The following MATCAP2 variants were observed in gnomAD, a reference collection of about 807,000 sequenced individuals.
MATCAP2 encodes the protein putative tyrosine carboxypeptidase MATCAP2.
At chr7:36,327,830 C>CA in the MATCAP2 span, among the ~76,000 whole-genome samples, 1 of 152,148 alleles carries the variant, frequency 6.6e-6, no homozygotes, top group Admixed American at 6.5e-5. Context: ...AAATCCAAAA[C>CA]ACTTCTAGTC....
At chr7:36,336,410 AAACTGC>A in the MATCAP2 span, 1 of 884,660 alleles carries the variant, frequency 1.1e-6, no homozygotes, top group Admixed American at 3.1e-5. Flanking sequence ...TTTCCAAATT[AAACTGC>A]AACTGAAGTG....
the MATCAP2 span, chr7:36,336,160 T>G: frequency 6.5e-7 from 1 of 1,535,380 alleles, no homozygotes; most frequent in Non-Finnish European, 8.7e-7. Context: ...ATACCTCCCC[T>G]AGGCAGCCTT....
At chr7:36,328,773 C>T in the MATCAP2 span, among the ~76,000 whole-genome samples, 1 of 151,276 alleles carries the variant, frequency 6.6e-6, no homozygotes, top group Non-Finnish European at 1.5e-5. Context: ...TAGCCGGGAG[C>T]GGTGGCTCAC....
At chr7:36,353,832 TTTTTCTTTA>T in the MATCAP2 span, among the ~76,000 whole-genome samples, 1 of 152,184 alleles carries the variant, frequency 6.6e-6, no homozygotes, top group Non-Finnish European at 1.5e-5. Flanking sequence ...GCAATTTACA[TTTTTCTTTA>T]TTAGAATAAA....
At chr7:36,380,799 G>A in the MATCAP2 span, among the ~76,000 whole-genome samples, 6 of 152,126 alleles carry the variant, frequency 3.9e-5, no homozygotes, top group African/African-American at 1.2e-4. Context: ...GCACGGTCTC[G>A]GCTCACTGCA....
At chr7:36,377,938 G>T in the MATCAP2 span, among the ~76,000 whole-genome samples, 27 of 152,118 alleles carry the variant, frequency 1.8e-4, no homozygotes, top group Non-Finnish European at 3.8e-4. Flanking sequence ...TCATGCCATG[G>T]TTTTGAGCTC....
chr7:36,367,185 A>G, the MATCAP2 span: 4 of 1,192,300 alleles, frequency 3.4e-6, no homozygotes, highest in Non-Finnish European at 4.2e-6. Flanking sequence ...TACGGTGCCC[A>G]GCAGCGCTTA....
At chr7:36,353,230 G>A in the MATCAP2 span, among the ~76,000 whole-genome samples, 2,301 of 152,182 alleles carry the variant, frequency 0.015, 28 homozygotes, top group Non-Finnish European at 0.022. Flanking sequence ...AGTGAGCTAT[G>A]ATCACACCCC....
At chr7:36,376,517 C>T in the MATCAP2 span, among the ~76,000 whole-genome samples, 109 of 152,202 alleles carry the variant, frequency 7.2e-4, no homozygotes, top group Admixed American at 1.9e-3. Context: ...CCAACTGTGT[C>T]GTCAATTTTG....
the MATCAP2 span, among the ~76,000 whole-genome samples, chr7:36,380,807 G>A: frequency 6.6e-6 from 1 of 152,198 alleles, no homozygotes; most frequent in African/African-American, 2.4e-5. Context: ...TCGGCTCACT[G>A]CAACCTCCAC....
At chr7:36,364,044 C>CT in the MATCAP2 span, among the ~76,000 whole-genome samples, 2,212 of 140,610 alleles carry the variant, frequency 0.016, 25 homozygotes, top group African/African-American at 0.023. Context: ...ATAATAAACC[C>CT]TTTTTTTTTT....
the MATCAP2 span, among the ~76,000 whole-genome samples, chr7:36,385,304 T>C: frequency 2.0e-5 from 3 of 152,252 alleles, no homozygotes; most frequent in African/African-American, 7.2e-5. Context: ...TTTCTTTTCT[T>C]TTCTTTTTGG....
the MATCAP2 span, among the ~76,000 whole-genome samples, chr7:36,338,645 T>A: frequency 6.6e-6 from 1 of 151,988 alleles, no homozygotes; most frequent in African/African-American, 2.4e-5. Flanking sequence ...AGACAAGGTC[T>A]CACTATGTTG....
chr7:36,361,801 G>T, the MATCAP2 span, among the ~76,000 whole-genome samples: 1 of 152,120 alleles, frequency 6.6e-6, no homozygotes, highest in Admixed American at 6.5e-5. Context: ...ATTGTGGTAC[G>T]CTCATATAAC....
chr7:36,351,321 G>A, the MATCAP2 span, among the ~76,000 whole-genome samples: 1 of 152,072 alleles, frequency 6.6e-6, no homozygotes, highest in Non-Finnish European at 1.5e-5. Flanking sequence ...GCTTGAACCT[G>A]GGAGATGGAG....
the MATCAP2 span, among the ~76,000 whole-genome samples, chr7:36,349,382 C>T: frequency 1.1e-4 from 17 of 152,096 alleles, no homozygotes; most frequent in African/African-American, 4.1e-4. Context: ...AGAAACAAAC[C>T]AAAATATTTC....
the MATCAP2 span, chr7:36,355,186 GAAATAA>G: frequency 1.3e-5 from 2 of 152,170 alleles, no homozygotes; most frequent in East Asian, 3.8e-4. Context: ...CTGCCAAATA[GAAATAA>G]AAATAACAGC....
chr7:36,336,828 C>T, the MATCAP2 span, among the ~76,000 whole-genome samples: 2 of 151,786 alleles, frequency 1.3e-5, no homozygotes, highest in East Asian at 3.9e-4. Flanking sequence ...GGCATGGTGG[C>T]TCATGCCTGT....
chr7:36,376,543 G>A, the MATCAP2 span, among the ~76,000 whole-genome samples: 1 of 152,298 alleles, frequency 6.6e-6, no homozygotes, highest in South Asian at 2.1e-4. Flanking sequence ...AGTGCAATGC[G>A]GTGCTGAGAA....
Sources: allele counts gnomAD v4.1 joint callset (sites outside exome capture counted in the v4.1 genomes callset), GRCh38; gene constraint gnomAD v4.1.1; transcripts MANE v1.5; gene names NCBI Gene and HGNC (gene_info 2026-07-23, HGNC 2026-07-21).